Variants in ADARB2 observed in about 807,000 individuals in gnomAD.
ADARB2 encodes the protein inactive double-stranded RNA-specific editase B2.
ADARB2 carries 25 observed loss-of-function variants against 62.2 expected under a neutral mutation model. The observed-to-expected ratio is 0.40, with a 90% confidence interval of 0.29 to 0.56. ADARB2 has a LOEUF of 0.56. Among genes scored for constraint, ADARB2 ranks in the 20% least tolerant of loss-of-function variants. The pLI, the probability that ADARB2 is intolerant of heterozygous loss-of-function variation, is 0.43. For missense variants in ADARB2, 1,071 were observed against 1,077.4 expected (o/e 0.99, Z 0.08); for synonymous variants, 572 against 500.8 (o/e 1.14, Z -1.90).
At chr10:1,457,771 G>A (rs1025446041) in intron 1 of ADARB2, among the ~76,000 whole-genome samples, 2 of 152,020 alleles carry the variant, frequency 1.3e-5, no homozygotes, top group African/African-American at 4.8e-5. Flanking sequence ...ATATCCCCCT[G>A]TTTCTAGCCC....
rs187974496 is a variant in ADARB2 at position 1,313,481 on chromosome 10, C to T, written c.1078-42412G>A. On this transcript the variant is annotated intron_variant, in intron 3 of 9. Coordinates refer to ENST00000381312, the MANE Select transcript of ADARB2 (RefSeq NM_018702.4). ...TTCCAAAATGTGTCTCTGCCATTCA[C>T]GAGCGACTGTCCCTTTCAAGTGTGG... Among the ~76,000 whole-genome samples, 61 of 152,336 alleles carry T rather than the reference C, an allele frequency of 4.0e-4. 1 individual carries two copies. In the East Asian group the frequency reaches 0.011, roughly 27 times the overall value.
chr10:1,617,538 G>C (rs1256290564), intron 1 of ADARB2, among the ~76,000 whole-genome samples: 1 of 150,314 alleles, frequency 6.7e-6, no homozygotes, highest in Non-Finnish European at 1.5e-5. Flanking sequence ...ACTGACCTCA[G>C]AGGGTTACAT....
intron 1 of ADARB2, among the ~76,000 whole-genome samples, chr10:1,631,080 A>G (rs575578171): frequency 6.6e-6 from 1 of 152,358 alleles, no homozygotes; most frequent in Non-Finnish European, 1.5e-5. Flanking sequence ...GAAGTGTGGG[A>G]AGAGTGGCCT....
chr10:1,722,690 C>T (rs1182240881), intron 1 of ADARB2, among the ~76,000 whole-genome samples: 4 of 152,202 alleles, frequency 2.6e-5, no homozygotes, highest in South Asian at 2.1e-4. Flanking sequence ...CCTCACCCCT[C>T]GTCTTAATTC....
At chr10:1,722,857 C>T (rs998501833) in intron 1 of ADARB2, among the ~76,000 whole-genome samples, 20 of 152,174 alleles carry the variant, frequency 1.3e-4, no homozygotes, top group African/African-American at 4.8e-4. Context: ...AAATCAAAAA[C>T]GTGTATTACT....
At chr10:1,566,750 A>G (rs980534899) in intron 1 of ADARB2, among the ~76,000 whole-genome samples, 5 of 152,044 alleles carry the variant, frequency 3.3e-5, no homozygotes, top group African/African-American at 7.3e-5. Context: ...TAACTCTTCT[A>G]TATATTGTTT....
rs947829531 is a variant in ADARB2, at chr10:1,265,571, C to T, written c.1192+5384G>A. Among the ~76,000 whole-genome samples the T allele has an allele frequency of 6.8e-5, 10 of 147,968 alleles. 1 individual carries two copies. Among genetic ancestry groups the T allele is most frequent in the Non-Finnish European group, 1.5e-4 (10 of 66,308 alleles). ...GGGCCCAGGCTCTCCCGGAAGACGG[C>T]CTGAGTCAGGTCCACGCTCTCCCGG... On this transcript the variant is annotated intron_variant, in intron 4 of 9. Transcript: ENST00000381312.
intron 6 of ADARB2, among the ~76,000 whole-genome samples, chr10:1,228,643 G>A (rs1014529745): frequency 3.9e-5 from 6 of 152,240 alleles, no homozygotes; most frequent in African/African-American, 9.6e-5. Flanking sequence ...GTTTTGAGTC[G>A]CTTGAGATGA....
In ADARB2 at chr10:1,637,759, G is replaced by A. The variant is rs184092218; in HGVS notation, c.100+99292C>T. ...TTAATCGCTCGCAATAATTTGCCTC[G>A]TCACCAAGTTAATGTGTCTGCGTGG... On this transcript the variant is annotated intron_variant, in intron 1 of 9. Transcript: ENST00000381312. 6.2e-3 allele frequency among the ~76,000 whole-genome samples: 940 copies of A among 152,208 alleles called. 8 individuals carry two copies. Among genetic ancestry groups the A allele is most frequent in the Admixed American group, 0.01 (157 of 15,292 alleles).
intron 1 of ADARB2, among the ~76,000 whole-genome samples, chr10:1,480,456 T>C (rs770583542): frequency 6.6e-6 from 1 of 152,212 alleles, no homozygotes; most frequent in South Asian, 2.1e-4. Flanking sequence ...CCCAGCACTT[T>C]GGGAGGCCAA....
At chr10:1,245,493 C>G (rs1466845605) in intron 4 of ADARB2, among the ~76,000 whole-genome samples, 1 of 138,554 alleles carries the variant, frequency 7.2e-6, no homozygotes, top group African/African-American at 2.6e-5. Flanking sequence ...CCCCCTCCCC[C>G]CACCCCACAA....
intron 1 of ADARB2, among the ~76,000 whole-genome samples, chr10:1,669,165 G>A (rs1445479766): frequency 6.6e-6 from 1 of 152,162 alleles, no homozygotes; most frequent in Non-Finnish European, 1.5e-5. Flanking sequence ...CCTCCCAGGT[G>A]CCCTACAGGT....
At chr10:1,373,328 C>CT (rs1564272666) in intron 2 of ADARB2, among the ~76,000 whole-genome samples, 16 of 151,474 alleles carry the variant, frequency 1.1e-4, no homozygotes, top group African/African-American at 3.9e-4. Flanking sequence ...ACACACACAC[C>CT]CACCCACACA....
At chr10:1,589,757 T>C (rs1342453873) in intron 1 of ADARB2, among the ~76,000 whole-genome samples, 1 of 152,174 alleles carries the variant, frequency 6.6e-6, no homozygotes, top group Non-Finnish European at 1.5e-5. Context: ...CACCACAACC[T>C]CCGCTTCCTG....
chr10:1,614,128 G>A (rs543796902), intron 1 of ADARB2, among the ~76,000 whole-genome samples: 20 of 152,192 alleles, frequency 1.3e-4, no homozygotes, highest in African/African-American at 4.3e-4. Context: ...TTAAAGAGAA[G>A]AATGCAGCAT....
intron 1 of ADARB2, among the ~76,000 whole-genome samples, chr10:1,404,350 G>C (rs1832688766): frequency 6.6e-6 from 1 of 152,212 alleles, no homozygotes; most frequent in Admixed American, 6.5e-5. Flanking sequence ...ATGGGGCTAA[G>C]CATCTCCCCT....
At chr10:1,333,486 G>A (rs1201169495) in intron 3 of ADARB2, among the ~76,000 whole-genome samples, 2 of 152,138 alleles carry the variant, frequency 1.3e-5, no homozygotes, top group Non-Finnish European at 2.9e-5. Context: ...GCCTCTCTGT[G>A]CTCAGATGGG....
intron 6 of ADARB2, among the ~76,000 whole-genome samples, chr10:1,219,666 G>A (rs547127572): frequency 1.3e-5 from 2 of 152,346 alleles, no homozygotes; most frequent in East Asian, 3.9e-4. Flanking sequence ...TGATGGTGAT[G>A]ATAATGGTGG....
At chr10:1,409,257 C>G (rs569813447) in intron 1 of ADARB2, among the ~76,000 whole-genome samples, 14 of 104,712 alleles carry the variant, frequency 1.3e-4, no homozygotes, top group Admixed American at 9.0e-4. Flanking sequence ...CTCCCACCTT[C>G]GTCGCCCCGC....
Sources: gnomAD v4.1 joint callset for allele counts (sites outside exome capture counted in the v4.1 genomes callset) on GRCh38, gnomAD v4.1.1 for gene constraint, MANE v1.5 for transcripts, NCBI Gene and HGNC (gene_info 2026-07-23, HGNC 2026-07-21) for gene names.